Variants in NR5A2 observed in about 807,000 individuals in gnomAD.
NR5A2 encodes CYP7A promoter-binding factor.
In NR5A2, 26 loss-of-function variants were observed where a neutral mutation model predicts 62.7. That is an observed-to-expected ratio of 0.41 (90% CI 0.30 to 0.58). The LOEUF is 0.58. Ranked by LOEUF, NR5A2 falls within the 20% of genes least tolerant of loss-of-function variation. NR5A2 has a pLI of 0.22. For synonymous variants in NR5A2, 246 were observed against 241.7 expected, an observed-to-expected ratio of 1.02 and a Z score of -0.16; for missense variants, 541 against 669.1, an observed-to-expected ratio of 0.81 and a Z score of 2.11.
chr1:200,028,891 TCA>T (rs1661445049), intron 1 of NR5A2: 1 of 244,498 alleles, frequency 4.1e-6, no homozygotes, highest in Admixed American at 5.2e-5. Context: ...TGCAGTGGAG[TCA>T]CAGATTGCTT....
At chr1:200,167,249 A>C (rs1248897966) in intron 7 of NR5A2, among the ~76,000 whole-genome samples, 1 of 152,064 alleles carries the variant, frequency 6.6e-6, no homozygotes, top group Non-Finnish European at 1.5e-5. Context: ...GGCCATACCT[A>C]GACTCCTTAA....
intron 5 of NR5A2, among the ~76,000 whole-genome samples, chr1:200,059,757 A>AAT (rs1250183663): frequency 1.3e-5 from 2 of 152,198 alleles, no homozygotes; most frequent in Non-Finnish European, 2.9e-5. Context: ...TTCCAGGATA[A>AAT]ATAAAGAATG....
intron 5 of NR5A2, among the ~76,000 whole-genome samples, chr1:200,062,227 T>TTGTGTGTGTGTGTGTGTG (rs6143563): frequency 0.057 from 8,272 of 145,538 alleles, 284 homozygotes; most frequent in African/African-American, 0.077. Context: ...CTGGCAGATT[T>TTGTGTGTGTGTGTGTGTG]TGTGTGTGTG....
intron 7 of NR5A2, among the ~76,000 whole-genome samples, chr1:200,132,387 CT>C (rs1283512197): frequency 2.0e-5 from 3 of 152,208 alleles, no homozygotes; most frequent in African/African-American, 7.2e-5. Flanking sequence ...CCCCAGGACA[CT>C]GTTCTGAATA....
intron 5 of NR5A2, among the ~76,000 whole-genome samples, chr1:200,067,362 G>A (rs950484033): frequency 5.9e-5 from 9 of 152,220 alleles, no homozygotes; most frequent in African/African-American, 2.2e-4. Context: ...TTCAAGACCA[G>A]CCTAACCAAC....
intron 5 of NR5A2, among the ~76,000 whole-genome samples, chr1:200,070,051 C>T (rs186654385): frequency 1.8e-4 from 27 of 151,626 alleles, no homozygotes; most frequent in African/African-American, 6.0e-4. Context: ...TAATTTTGCC[C>T]GAAAAATAAA....
rs981896189 is a variant in NR5A2, at chr1:200,175,869, C to T, written c.*1659C>T. On this transcript the variant is annotated 3_prime_UTR_variant, in exon 8 of 8. Transcript: ENST00000367362. ...AAAAAATAAAAGTATCTCCTAGTCC[C>T]TTAATTTTTTCATAAATATTTCTGG... The T allele has an allele frequency of 2.6e-5, 4 of 152,528 alleles. No individual in the cohort carries two copies. Among genetic ancestry groups the T allele is most frequent in the Admixed American group, 6.5e-5 (1 of 15,272 alleles). The allele number at this position is 152,528 out of a possible 1,614,324, so 9.4% of individuals were successfully genotyped here. A position where few individuals can be genotyped will look rare whatever the true frequency, so the allele number is the denominator to read the frequency against.
At chr1:200,170,100 G>T (rs2246926) in intron 7 of NR5A2, among the ~76,000 whole-genome samples, 18,610 of 152,064 alleles carry the variant, frequency 0.12, 1,465 homozygotes, top group East Asian at 0.36. Flanking sequence ...CTAGATTTTG[G>T]TTTTTTTAAT....
intron 5 of NR5A2, among the ~76,000 whole-genome samples, chr1:200,053,895 T>C (rs901933745): frequency 1.2e-4 from 19 of 152,326 alleles, no homozygotes; most frequent in African/African-American, 4.3e-4. Flanking sequence ...CCTCTGCGGA[T>C]AGTTTACTCT....
chr1:200,120,512 A>G (rs1666432819), intron 6 of NR5A2, among the ~76,000 whole-genome samples: 1 of 152,230 alleles, frequency 6.6e-6, no homozygotes, highest in Admixed American at 6.5e-5. Context: ...GCATTTTAGA[A>G]TCATGGAATG....
At chr1:200,028,892 C>T in intron 1 of NR5A2, 1 of 247,254 alleles carries the variant, frequency 4.0e-6, no homozygotes, top group Non-Finnish European at 8.2e-6. Flanking sequence ...GCAGTGGAGT[C>T]ACAGATTGCT....
chr1:200,038,883 A>T, intron 1 of NR5A2: 5 of 612,142 alleles, frequency 8.2e-6, no homozygotes, highest in Non-Finnish European at 1.2e-5. Flanking sequence ...CCTGAGCCTC[A>T]TCCTTATTGG....
intron 5 of NR5A2, among the ~76,000 whole-genome samples, chr1:200,077,637 C>G (rs915893146): frequency 1.2e-4 from 19 of 152,184 alleles, no homozygotes; most frequent in African/African-American, 4.6e-4. Flanking sequence ...TCGCTTGAAC[C>G]TGGGAGGCGG....
Position 200,068,117 on chromosome 1 carries a change from T to C in NR5A2, c.1110+19299T>C, listed in dbSNP as rs188255644. 2.0e-5 allele frequency among the ~76,000 whole-genome samples: 3 copies of C among 152,340 alleles called. No homozygotes were observed. In the East Asian group the frequency reaches 5.8e-4, roughly 29 times the overall value. The stretch of plus-strand genomic sequence containing the variant: ...TGCTAGTTATTTTAAATATTTTTTG[T>C]AAGCTTTATCTTCAATTCTTTAATG... On this transcript the variant is annotated intron_variant, in intron 5 of 7. Transcript: ENST00000367362.
chr1:200,067,305 C>T (rs1353661930), intron 5 of NR5A2, among the ~76,000 whole-genome samples: 3 of 152,174 alleles, frequency 2.0e-5, no homozygotes, highest in Non-Finnish European at 4.4e-5. Context: ...GCCTGTAATC[C>T]CAGCACTTTG....
intron 5 of NR5A2, among the ~76,000 whole-genome samples, chr1:200,055,878 G>A (rs1160645071): frequency 1.3e-5 from 2 of 152,088 alleles, no homozygotes; most frequent in African/African-American, 4.8e-5. Context: ...GAAATAAATC[G>A]AACCTGCATA....
intron 5 of NR5A2, among the ~76,000 whole-genome samples, chr1:200,102,654 C>G (rs1665433209): frequency 6.6e-6 from 1 of 152,138 alleles, no homozygotes; most frequent in African/African-American, 2.4e-5. Flanking sequence ...CCCTTTACTC[C>G]CATTCCCAAT....
At chr1:200,052,790 T>A (rs11809309) in intron 5 of NR5A2, among the ~76,000 whole-genome samples, 1 of 151,044 alleles carries the variant, frequency 6.6e-6, no homozygotes, top group Admixed American at 6.6e-5. Context: ...TACAGGTGCC[T>A]GCCACCACGC....
intron 7 of NR5A2, among the ~76,000 whole-genome samples, chr1:200,172,023 C>G (rs927031812): frequency 6.6e-6 from 1 of 152,156 alleles, no homozygotes; most frequent in Non-Finnish European, 1.5e-5. Context: ...ATTTTACATT[C>G]ATTCTATGCA....
Sources: allele counts gnomAD v4.1 joint callset (sites outside exome capture counted in the v4.1 genomes callset), GRCh38; gene constraint gnomAD v4.1.1; transcripts MANE v1.5; gene names NCBI Gene and HGNC (gene_info 2026-07-23, HGNC 2026-07-21).